C11orf86: variants seen among roughly 807,000 people sequenced by gnomAD.
The protein encoded by C11orf86 is uncharacterized protein C11orf86.
C11orf86 carries 13 observed loss-of-function variants against 11.1 expected under a neutral mutation model. That is an observed-to-expected ratio of 1.17 (90% CI 0.76 to 1.86). C11orf86 has a LOEUF of 1.86. Ranked by LOEUF, C11orf86 falls within the 40% of genes most tolerant of loss-of-function variation. C11orf86 has a pLI of 0.00. For missense variants in C11orf86, 144 were observed against 146.5 expected, an observed-to-expected ratio of 0.98 and a Z score of 0.09; for synonymous variants, 86 against 64.7, an observed-to-expected ratio of 1.33 and a Z score of -1.58.
chr11:66,976,330 C>A lies in C11orf86; in HGVS notation c.*79C>A. ...CTGTGCCTGGACCAGCCCACCGTGT[C>A]TGCTGACCTACCTCTTCACAGCTCT... is the stretch of plus-strand genomic sequence containing the variant. On this transcript the variant is annotated 3_prime_UTR_variant, in exon 2 of 2. Coordinates refer to ENST00000683896, the MANE Select transcript of C11orf86 (RefSeq NM_001353554.2). 1 of 1,428,662 alleles carries A rather than the reference C, an allele frequency of 7.0e-7. No homozygotes were observed. The highest frequency in any genetic ancestry group is 9.6e-7 in the Non-Finnish European group (1 of 1,044,964). The allele number at this position is 1,428,662 out of a possible 1,614,324, so 88.5% of individuals were successfully genotyped here.
Position 66,976,232 on chromosome 11 carries a change from G to A in C11orf86, c.332G>A (p.Ser111Asn), listed in dbSNP as rs781021219. Residue 111 changes from serine (S) to asparagine (N), a missense_variant, in exon 2 of 2, where the codon AGT (serine) becomes AAT (asparagine). Coordinates refer to ENST00000683896, the MANE Select transcript of C11orf86 (RefSeq NM_001353554.2). The part of the protein sequence containing the change: ...FVAIFPSVTL[S>N]QPASP ...GCCATCTTCCCCAGCGTGACTCTGAGTCAGCCGGCCTCCCCGTAGCCCACA... is the reference window on the plus strand; with the variant it reads ...GCCATCTTCCCCAGCGTGACTCTGAATCAGCCGGCCTCCCCGTAGCCCACA... 4 of 1,551,248 alleles carry A rather than the reference G, an allele frequency of 2.6e-6. No individual in the cohort carries two copies. The highest frequency in any genetic ancestry group is 3.5e-6 in the Non-Finnish European group (4 of 1,146,986).
At position 66,976,239 on chromosome 11, in the gene C11orf86, G is replaced by A. The variant is rs374228945; in HGVS notation, c.339G>A (p.Pro113=). The part of the protein sequence containing the change: ...AIFPSVTLSQ[P]ASP Reference sequence around the variant, plus strand: ...TCCCCAGCGTGACTCTGAGTCAGCCGGCCTCCCCGTAGCCCACACTGGGCA... The same window carrying A: ...TCCCCAGCGTGACTCTGAGTCAGCCAGCCTCCCCGTAGCCCACACTGGGCA... Residue 113 remains proline (P), a synonymous_variant, in exon 2 of 2, where the codon CCG becomes CCA. Coordinates refer to ENST00000683896, the MANE Select transcript of C11orf86 (RefSeq NM_001353554.2). 70 of 1,551,108 alleles carry A rather than the reference G, an allele frequency of 4.5e-5. No individual in the cohort carries two copies. Among genetic ancestry groups the A allele is most frequent in the South Asian group, 1.2e-4 (10 of 84,060 alleles).
At position 66,975,552 on chromosome 11, in the gene C11orf86, C is replaced by T. The variant is rs759138534; in HGVS notation, c.190C>T (p.Arg64Trp). 40 of 1,551,272 alleles carry T rather than the reference C, an allele frequency of 2.6e-5. No homozygotes were observed. Among genetic ancestry groups the T allele is most frequent in the Middle Eastern group, 1.7e-4 (1 of 6,010 alleles). The change falls in exon 1 of 2, where the codon CGG (arginine) becomes TGG (tryptophan). Residue 64 changes from arginine to tryptophan, a missense_variant. Coordinates refer to ENST00000683896, the MANE Select transcript of C11orf86 (RefSeq NM_001353554.2). ...TEGPDATAQERVPGSLGDTEQ... is the reference protein window; with the variant it reads ...TEGPDATAQEWVPGSLGDTEQ... ...AGGGCCAGATGCCACTGCCCAGGAG[C>T]GGGTGCCGGGGAGCCTGGGGGACAC...
Position 66,975,455 on chromosome 11 carries a change from A to G in C11orf86, c.93A>G (p.Gln31=). ...QEPWGRPQEG[Q]LRRALSLRQG... is the part of the protein sequence containing the mutation. ...CCTGGGGGAGGCCCCAGGAGGGCCA[A>G]CTCCGCAGGGCGCTAAGCCTCAGAC... Residue 31 remains glutamine, a synonymous_variant, in exon 1 of 2, where the codon CAA becomes CAG. Transcript: ENST00000683896. 6.4e-7 allele frequency: 1 copy of G among 1,550,992 alleles called. No homozygotes were observed. Among genetic ancestry groups the G allele is most frequent in the Non-Finnish European group, 8.7e-7 (1 of 1,146,834 alleles).
In C11orf86 at chr11:66,975,329, C is replaced by A. The variant is rs372037366; in HGVS notation, c.-34C>A. ...AGAGGGCCAGTGTCTTGCTGAGGGG[C>A]CGGAGCAGTCCTGTGCCTGCAGCCT... On this transcript the variant is annotated 5_prime_UTR_variant, in exon 1 of 2. Transcript: ENST00000683896. The A allele has an allele frequency of 2.2e-5, 34 of 1,527,142 alleles. No individual in the cohort carries two copies. The South Asian group carries it at 3.8e-4, about 17-fold the overall frequency. The allele number at this position is 1,527,142 out of a possible 1,614,324, so 94.6% of individuals were successfully genotyped here.
Position 66,975,458 on chromosome 11 carries a change from C to T in C11orf86, c.96C>T (p.Leu32=). The T allele has an allele frequency of 6.4e-7, 1 of 1,551,190 alleles. No homozygotes were observed. The highest frequency in any genetic ancestry group is 8.7e-7 in the Non-Finnish European group (1 of 1,146,892). The change falls in exon 1 of 2, where the codon CTC becomes CTT. Residue 32 remains leucine (L), a synonymous_variant. Coordinates refer to ENST00000683896, the MANE Select transcript of C11orf86 (RefSeq NM_001353554.2). ...GGGGGAGGCCCCAGGAGGGCCAACT[C>T]CGCAGGGCGCTAAGCCTCAGACAGG... ...EPWGRPQEGQ[L]RRALSLRQGQ...
Position 66,976,342 on chromosome 11 carries a change from C to A in C11orf86, c.*91C>A, listed in dbSNP as rs1423343917. The A allele has an allele frequency of 4.5e-6, 6 of 1,339,888 alleles. No homozygotes were observed. The highest frequency in any genetic ancestry group is 6.2e-6 in the Non-Finnish European group (6 of 967,998). 83.0% of individuals were successfully genotyped at this position (1,339,888 alleles called of 1,614,324 possible). A position where few individuals can be genotyped will look rare whatever the true frequency, so the allele number is the denominator to read the frequency against. On this transcript the variant is annotated 3_prime_UTR_variant, in exon 2 of 2. Transcript: ENST00000683896. ...CAGCCCACCGTGTCTGCTGACCTACCTCTTCACAGCTCTCTGGACTTTGGC... is the reference window on the plus strand; with the variant it reads ...CAGCCCACCGTGTCTGCTGACCTACATCTTCACAGCTCTCTGGACTTTGGC...
rs1203685452 is a variant in C11orf86, at chr11:66,975,494, G to A, written c.132G>A (p.Lys44=). 7 of 1,551,556 alleles carry A rather than the reference G, an allele frequency of 4.5e-6. No homozygotes were observed. Among genetic ancestry groups the A allele is most frequent in the Non-Finnish European group, 6.1e-6 (7 of 1,146,966 alleles). The change falls in exon 1 of 2, where the codon AAG becomes AAA. Residue 44 remains lysine (K), a synonymous_variant. Coordinates refer to ENST00000683896, the MANE Select transcript of C11orf86 (RefSeq NM_001353554.2). ...RALSLRQGQE[K]SRSQGLERGT... is the part of the protein sequence containing the mutation. The stretch of plus-strand genomic sequence containing the variant: ...TAAGCCTCAGACAGGGGCAAGAGAA[G>A]TCCAGGTCCCAGGGCCTCGAGAGAG...
chr11:66,975,698 A>T (rs1949783934), intron 1 of C11orf86, 60 bp downstream of exon 1: 3 of 1,520,802 alleles, frequency 2.0e-6, no homozygotes, highest in Non-Finnish European at 2.6e-6. Context: ...ATTCCAGGGC[A>T]GGAAAGGTTC....
At chr11:66,976,093 C>A in intron 1 of C11orf86, 84 bp from the exon 2 acceptor site, 1 of 1,338,696 alleles carries the variant, frequency 7.5e-7, no homozygotes, top group South Asian at 1.3e-5. Flanking sequence ...TACCTGGGGT[C>A]TACCCCCACC....
intron 1 of C11orf86, 147 bp downstream of exon 1, chr11:66,975,785 C>T: frequency 8.1e-7 from 1 of 1,241,246 alleles, no homozygotes; most frequent in Non-Finnish European, 1.1e-6. Context: ...AGAGAGACAC[C>T]CCAGAGCCAC....
Position 66,976,416 on chromosome 11 carries a change from T to G in C11orf86, c.*165T>G. 1 of 650,716 alleles carries G rather than the reference T, an allele frequency of 1.5e-6. No individual in the cohort carries two copies. Among genetic ancestry groups the G allele is most frequent in the South Asian group, 1.8e-5 (1 of 55,284 alleles). 40.3% of individuals were successfully genotyped at this position (650,716 alleles called of 1,614,324 possible). ...CCACCAGCTCACTGGAGTCGCCACG[T>G]GGCTGCCACTCTTAGCTCTGGCCCT... On this transcript the variant is annotated 3_prime_UTR_variant, in exon 2 of 2. Coordinates refer to ENST00000683896, the MANE Select transcript of C11orf86 (RefSeq NM_001353554.2).
chr11:66,975,520 G>A lies in C11orf86; in HGVS notation c.158G>A (p.Gly53Asp). The A allele has an allele frequency of 6.4e-7, 1 of 1,551,580 alleles. No homozygotes were observed. Residue 53 changes from glycine to aspartate, a missense_variant, in exon 1 of 2, where the codon GGC becomes GAC. Gly to Asp is a moderately conservative substitution (Grantham distance 94). Coordinates refer to ENST00000683896, the MANE Select transcript of C11orf86 (RefSeq NM_001353554.2). ...EKSRSQGLER[G>D]TEGPDATAQE... Reference sequence around the variant, plus strand: ...TCCAGGTCCCAGGGCCTCGAGAGAGGCACAGAAGGGCCAGATGCCACTGCC... The same window carrying A: ...TCCAGGTCCCAGGGCCTCGAGAGAGACACAGAAGGGCCAGATGCCACTGCC...
intron 1 of C11orf86, 42 bp from the exon 2 acceptor site, chr11:66,976,135 C>T (rs1565317502): frequency 1.9e-6 from 3 of 1,542,946 alleles, no homozygotes; most frequent in Middle Eastern, 1.7e-4. Context: ...CATCTAAGCC[C>T]ACCACTCAGC....
chr11:66,975,681 G>A, intron 1 of C11orf86, 43 bp downstream of exon 1: 3 of 1,529,336 alleles, frequency 2.0e-6, no homozygotes, highest in Non-Finnish European at 2.6e-6. Flanking sequence ...ACAGCAGGTG[G>A]GCAGGGATTC....
chr11:66,976,522 G>T lies in C11orf86; in HGVS notation c.*271G>T. 1.9e-6 allele frequency: 1 copy of T among 519,144 alleles called. No homozygotes were observed. The highest frequency in any genetic ancestry group is 3.5e-6 in the Non-Finnish European group (1 of 288,722). 32.2% of individuals were successfully genotyped at this position (519,144 alleles called of 1,614,324 possible). A position where few individuals can be genotyped will look rare whatever the true frequency, so the allele number is the denominator to read the frequency against. On this transcript the variant is annotated 3_prime_UTR_variant, in exon 2 of 2. Coordinates refer to ENST00000683896, the MANE Select transcript of C11orf86 (RefSeq NM_001353554.2). The stretch of plus-strand genomic sequence containing the variant: ...CTCAGCTGTCTGCCCTCTGGGCTTG[G>T]GTAGGGGCCTTGGACTATGATTCTA...
intron 1 of C11orf86, among the ~76,000 whole-genome samples, 174 bp from the exon 2 acceptor site, chr11:66,976,003 A>C (rs1368199452): frequency 6.6e-6 from 1 of 152,184 alleles, no homozygotes; most frequent in Non-Finnish European, 1.5e-5. Flanking sequence ...CCAGAGAAAA[A>C]GGGGAGATCT....
chr11:66,975,758 T>C, intron 1 of C11orf86, 120 bp downstream of exon 1: 1 of 1,401,458 alleles, frequency 7.1e-7, no homozygotes, highest in South Asian at 1.4e-5. Context: ...CCGAGCTGCC[T>C]GGAGATGAGG....
Position 66,976,391 on chromosome 11 carries a change from C to A in C11orf86, c.*140C>A. 4 of 842,206 alleles carry A rather than the reference C, an allele frequency of 4.7e-6. No individual in the cohort carries two copies. Among genetic ancestry groups the A allele is most frequent in the South Asian group, 3.2e-5 (2 of 62,018 alleles). The allele number at this position is 842,206 out of a possible 1,614,324, so 52.2% of individuals were successfully genotyped here. On this transcript the variant is annotated 3_prime_UTR_variant, in exon 2 of 2. Transcript: ENST00000683896. ...GCTGGGTGGCCCTAGGAGGCTTCTG[C>A]CACCAGCTCACTGGAGTCGCCACGT...
Sources: gnomAD v4.1 joint callset for allele counts (sites outside exome capture counted in the v4.1 genomes callset) on GRCh38, gnomAD v4.1.1 for gene constraint, MANE v1.5 for transcripts, NCBI Gene and HGNC (gene_info 2026-07-23, HGNC 2026-07-21) for gene names.